The following PCDH7 variants were observed in gnomAD, a reference collection of about 807,000 sequenced individuals.
PCDH7 encodes the protein protocadherin-7.
In PCDH7, 17 loss-of-function variants were observed where a neutral mutation model predicts 58.9. That is an observed-to-expected ratio of 0.29 (90% confidence interval 0.20 to 0.43). The LOEUF (loss-of-function observed/expected upper bound fraction) is 0.43. Among genes scored for constraint, PCDH7 ranks in the 20% least tolerant of loss-of-function variants. The probability of loss-of-function intolerance (pLI) is 1.00; values close to 1 mark genes in which losing one functional copy is unlikely to be tolerated. For missense variants in PCDH7, 1,274 were observed against 1,441.0 expected (o/e 0.88, Z 1.88); for synonymous variants, 664 against 616.4 (o/e 1.08, Z -1.14).
intron 1 of PCDH7, among the ~76,000 whole-genome samples, chr4:30,822,309 G>A (rs187110561): frequency 1.3e-5 from 2 of 152,248 alleles, no homozygotes; most frequent in Admixed American, 6.5e-5. Context: ...TGGGGGACTG[G>A]ATGCTATCAA....
chr4:31,006,696 C>A (rs1752790674), intron 3 of PCDH7, among the ~76,000 whole-genome samples: 1 of 151,768 alleles, frequency 6.6e-6, no homozygotes, highest in African/African-American at 2.4e-5. Flanking sequence ...AGTTCAAGAC[C>A]AGCTTGACCA....
chr4:30,931,466 G>C (rs375501043), intron 2 of PCDH7, among the ~76,000 whole-genome samples: 1 of 151,940 alleles, frequency 6.6e-6, no homozygotes, highest in African/African-American at 2.4e-5. Context: ...TCCCAGCTAC[G>C]CGGGAGGCTG....
chr4:30,986,979 CA>C (rs58422152), intron 3 of PCDH7, among the ~76,000 whole-genome samples: 42 of 149,026 alleles, frequency 2.8e-4, no homozygotes, highest in African/African-American at 9.9e-4. Flanking sequence ...GATTCCGTCT[CA>C]AAAAAAAATA....
intron 3 of PCDH7, among the ~76,000 whole-genome samples, chr4:31,134,825 A>G (rs1255804185): frequency 6.6e-6 from 1 of 152,160 alleles, no homozygotes; most frequent in Non-Finnish European, 1.5e-5. Flanking sequence ...AGGCTAGACC[A>G]TGCTTTCTCT....
At chr4:31,027,833 GA>G (rs1233558873) in intron 3 of PCDH7, among the ~76,000 whole-genome samples, 3 of 152,142 alleles carry the variant, frequency 2.0e-5, no homozygotes, top group African/African-American at 4.8e-5. Context: ...TGGTTCCCTT[GA>G]AATTACTGTG....
chr4:30,907,423 A>T (rs1196200801), intron 1 of PCDH7, among the ~76,000 whole-genome samples: 19 of 152,194 alleles, frequency 1.2e-4, no homozygotes, highest in Admixed American at 1.2e-3. Flanking sequence ...AAACAACCCC[A>T]TCAAAAAGTG....
chr4:30,860,531 G>A (rs951096616), intron 1 of PCDH7, among the ~76,000 whole-genome samples: 1 of 151,732 alleles, frequency 6.6e-6, no homozygotes, highest in African/African-American at 2.4e-5. Context: ...TGTGCATCAT[G>A]TCTTACATAT....
chr4:30,749,981 AT>A (rs1472032117), intron 1 of PCDH7, among the ~76,000 whole-genome samples: 1 of 152,312 alleles, frequency 6.6e-6, no homozygotes, highest in East Asian at 1.9e-4. Flanking sequence ...ATGGGAGTAA[AT>A]AACTGAAAGT....
intron 3 of PCDH7, among the ~76,000 whole-genome samples, chr4:31,037,529 C>T (rs1755521929): frequency 6.6e-6 from 1 of 152,090 alleles, no homozygotes; most frequent in African/African-American, 2.4e-5. Flanking sequence ...TTGATGAGTG[C>T]CTTGAGAATA....
chr4:30,779,821 C>T (rs141616445), intron 1 of PCDH7, among the ~76,000 whole-genome samples: 1 of 152,240 alleles, frequency 6.6e-6, no homozygotes, highest in East Asian at 1.9e-4. Context: ...CCCCAAGTAG[C>T]TCTCAATTTT....
intron 3 of PCDH7, among the ~76,000 whole-genome samples, chr4:30,966,597 T>A (rs573441513): frequency 6.6e-6 from 1 of 151,536 alleles, no homozygotes; most frequent in East Asian, 1.9e-4. Context: ...TTGAGGGGAG[T>A]GGGATATGAA....
intron 3 of PCDH7, among the ~76,000 whole-genome samples, chr4:31,059,662 C>T (rs561374565): frequency 1.4e-4 from 22 of 151,734 alleles, no homozygotes; most frequent in African/African-American, 3.1e-4. Flanking sequence ...TCTGGGAAAA[C>T]GAAAATTTAT....
At chr4:30,968,757 T>C (rs960818197) in intron 3 of PCDH7, among the ~76,000 whole-genome samples, 2 of 152,090 alleles carry the variant, frequency 1.3e-5, no homozygotes, top group Non-Finnish European at 2.9e-5. Context: ...CAAGTCTCAT[T>C]AAATATTGAA....
chr4:30,850,155 C>T (rs1267161590), intron 1 of PCDH7, among the ~76,000 whole-genome samples: 2 of 152,064 alleles, frequency 1.3e-5, no homozygotes, highest in African/African-American at 2.4e-5. Context: ...AACTGAATTA[C>T]ACTTTTTGTG....
At chr4:30,866,629 C>G (rs948822726) in intron 1 of PCDH7, among the ~76,000 whole-genome samples, 1 of 151,734 alleles carries the variant, frequency 6.6e-6, no homozygotes, top group Non-Finnish European at 1.5e-5. Flanking sequence ...CACAGCTTTG[C>G]TCAGCAATCA....
At chr4:31,128,158 C>T (rs1221610070) in intron 3 of PCDH7, among the ~76,000 whole-genome samples, 2 of 151,556 alleles carry the variant, frequency 1.3e-5, no homozygotes, top group Non-Finnish European at 1.5e-5. Context: ...CACACACACA[C>T]ACACACGGAC....
intron 3 of PCDH7, among the ~76,000 whole-genome samples, chr4:31,052,111 T>C (rs1756797991): frequency 6.6e-6 from 1 of 152,144 alleles, no homozygotes; most frequent in Non-Finnish European, 1.5e-5. Flanking sequence ...ATGTCCCTTT[T>C]TTTGTTGTCT....
downstream of PCDH7, among the ~76,000 whole-genome samples, chr4:30,737,691 G>A (rs567650798): frequency 8.5e-5 from 13 of 152,262 alleles, no homozygotes; most frequent in Admixed American, 5.2e-4. Context: ...GTAGGCACTG[G>A]GTATTGTGAG....
At chr4:30,728,346 A>G (rs540187690) in intron 1 of PCDH7, among the ~76,000 whole-genome samples, 5 of 151,382 alleles carry the variant, frequency 3.3e-5, no homozygotes, top group Non-Finnish European at 7.4e-5. Flanking sequence ...TCTTTAGTGG[A>G]AATGCATCTA....
Sources: gnomAD v4.1 joint callset for allele counts (sites outside exome capture counted in the v4.1 genomes callset) on GRCh38, gnomAD v4.1.1 for gene constraint, MANE v1.5 for transcripts, NCBI Gene and HGNC (gene_info 2026-07-23, HGNC 2026-07-21) for gene names.